NBEA: variants seen among roughly 807,000 people sequenced by gnomAD.
The protein encoded by NBEA is lysosomal-trafficking regulator 2.
Under a neutral mutation model 343.4 loss-of-function variants are expected in NBEA, and 44 were observed. The observed-to-expected ratio is 0.13, with a 90% confidence interval of 0.10 to 0.16. The LOEUF is 0.16. NBEA is among the 10% of genes least tolerant of loss of function. The pLI is 1.00. For missense variants in NBEA, 2,555 were observed against 3,631.3 expected (o/e 0.70, Z 7.62); for synonymous variants, 1,175 against 1,238.7 (o/e 0.95, Z 1.08).
chr13:35,627,777 A>G (rs1029512091), intron 48 of NBEA, among the ~76,000 whole-genome samples: 1 of 152,186 alleles, frequency 6.6e-6, no homozygotes, highest in Non-Finnish European at 1.5e-5. Flanking sequence ...GTGTGTTTTA[A>G]TAAGAAATTT....
At chr13:35,544,402 C>T (rs952251962) in intron 41 of NBEA, among the ~76,000 whole-genome samples, 1 of 151,988 alleles carries the variant, frequency 6.6e-6, no homozygotes, top group African/African-American at 2.4e-5. Context: ...ATTTAGCTTC[C>T]TTAAAAAGAA....
chr13:35,078,132 C>T (rs573944593), intron 10 of NBEA, among the ~76,000 whole-genome samples: 2 of 152,256 alleles, frequency 1.3e-5, no homozygotes, highest in South Asian at 4.2e-4. Context: ...GATGGAGTGT[C>T]TGCTGTCATG....
intron 1 of NBEA, among the ~76,000 whole-genome samples, chr13:34,967,947 C>T (rs1255907333): frequency 6.6e-6 from 1 of 152,070 alleles, no homozygotes; most frequent in Non-Finnish European, 1.5e-5. Context: ...CACAAGACTG[C>T]TTCCATTTCA....
At chr13:35,618,167 C>T (rs1458780714) in intron 48 of NBEA, among the ~76,000 whole-genome samples, 1 of 152,070 alleles carries the variant, frequency 6.6e-6, no homozygotes. Context: ...GTCATATATT[C>T]CAAAGAGATG....
chr13:35,237,721 G>T (rs2075300332), intron 34 of NBEA, among the ~76,000 whole-genome samples: 1 of 152,062 alleles, frequency 6.6e-6, no homozygotes, highest in Non-Finnish European at 1.5e-5. Context: ...AAAAGAAAAA[G>T]CAATTACTCT....
intron 38 of NBEA, among the ~76,000 whole-genome samples, chr13:35,365,469 TAGTCTATA>T (rs944087676): frequency 7.3e-5 from 11 of 151,690 alleles, no homozygotes; most frequent in African/African-American, 2.4e-4. Flanking sequence ...CACAGTCTCT[TAGTCTATA>T]ACTTAGCTGC....
chr13:35,308,458 A>ACATATATATATATATATATATG (rs2037069647), intron 35 of NBEA, among the ~76,000 whole-genome samples: 1 of 118,466 alleles, frequency 8.4e-6, no homozygotes, highest in African/African-American at 4.1e-5. Flanking sequence ...ATATATATAT[A>ACATATATATATATATATATATG]TATATATATA....
intron 39 of NBEA, among the ~76,000 whole-genome samples, chr13:35,435,333 T>A (rs760439290): frequency 1.3e-5 from 2 of 152,078 alleles, no homozygotes; most frequent in Non-Finnish European, 2.9e-5. Flanking sequence ...TTTTTCTAGA[T>A]GATTGCAGTT....
At chr13:35,033,681 C>A (rs913063083) in intron 1 of NBEA, among the ~76,000 whole-genome samples, 14 of 151,776 alleles carry the variant, frequency 9.2e-5, no homozygotes, top group African/African-American at 2.7e-4. Flanking sequence ...CAATTTATTT[C>A]ATCAGTGTTT....
chr13:35,551,660 A>G (rs9635015), intron 43 of NBEA, among the ~76,000 whole-genome samples: 1,806 of 152,148 alleles, frequency 0.012, 60 homozygotes, highest in East Asian at 0.1. Flanking sequence ...GGCTTAAACT[A>G]TAGGGGTGTG....
intron 47 of NBEA, among the ~76,000 whole-genome samples, chr13:35,601,512 C>T (rs898845085): frequency 6.6e-6 from 1 of 151,736 alleles, no homozygotes; most frequent in Admixed American, 6.6e-5. Context: ...GCCTGTAATC[C>T]CAGCCCTTTG....
intron 38 of NBEA, among the ~76,000 whole-genome samples, chr13:35,430,802 G>T (rs2045055125): frequency 6.6e-6 from 1 of 152,046 alleles, no homozygotes; most frequent in Non-Finnish European, 1.5e-5. Context: ...GGATTAGTTT[G>T]TATTTGTAAG....
chr13:35,258,571 C>T (rs975091780), intron 34 of NBEA, among the ~76,000 whole-genome samples: 1 of 151,314 alleles, frequency 6.6e-6, no homozygotes, highest in Non-Finnish European at 1.5e-5. Flanking sequence ...ATAGGTTTAG[C>T]CCATCCATAG....
chr13:34,992,472 T>C (rs1346500091), intron 1 of NBEA, among the ~76,000 whole-genome samples: 1 of 151,480 alleles, frequency 6.6e-6, no homozygotes, highest in African/African-American at 2.4e-5. Context: ...GACAGGCTGG[T>C]CTTGAACTCC....
intron 38 of NBEA, among the ~76,000 whole-genome samples, chr13:35,428,101 C>G (rs2044827784): frequency 6.6e-6 from 1 of 152,178 alleles, no homozygotes; most frequent in South Asian, 2.1e-4. Context: ...CAATGCCTCG[C>G]CCTGCTTTGG....
chr13:35,430,318 G>A (rs1410794721), intron 38 of NBEA, among the ~76,000 whole-genome samples: 2 of 152,002 alleles, frequency 1.3e-5, no homozygotes, highest in East Asian at 1.9e-4. Flanking sequence ...TGGTTGTTTT[G>A]TTCTTGCTGA....
chr13:34,951,262 C>A (rs1426204750), intron 1 of NBEA, among the ~76,000 whole-genome samples: 1 of 152,090 alleles, frequency 6.6e-6, no homozygotes, highest in Admixed American at 6.5e-5. Flanking sequence ...ATTTTTACAT[C>A]CATGTTATGA....
chr13:35,601,807 G>C (rs1292275236), intron 47 of NBEA, among the ~76,000 whole-genome samples: 1 of 148,618 alleles, frequency 6.7e-6, no homozygotes, highest in Non-Finnish European at 1.5e-5. Flanking sequence ...AGAATGACTG[G>C]ATTGTTACTT....
chr13:35,430,121 AT>A (rs1053103934), intron 38 of NBEA, among the ~76,000 whole-genome samples: 63 of 148,380 alleles, frequency 4.2e-4, no homozygotes, highest in East Asian at 4.1e-3. Context: ...CCACACCAAC[AT>A]TTTTTTTTTG....
Sources: gnomAD v4.1 joint callset for allele counts (sites outside exome capture counted in the v4.1 genomes callset) on GRCh38, gnomAD v4.1.1 for gene constraint, MANE v1.5 for transcripts, NCBI Gene and HGNC (gene_info 2026-07-23, HGNC 2026-07-21) for gene names.